CPSF1: variants seen among roughly 807,000 people sequenced by gnomAD.
CPSF1 encodes the protein cleavage and polyadenylation specificity factor subunit 1.
Under a neutral mutation model 175.8 loss-of-function variants are expected in CPSF1, and 106 were observed. That is an observed-to-expected ratio of 0.60 (90% confidence interval 0.52 to 0.71). CPSF1 has a LOEUF of 0.71. Ranked by LOEUF, CPSF1 falls within the 30% of genes least tolerant of loss-of-function variation. The pLI is 0.00. For missense variants in CPSF1, 1,734 were observed against 2,022.9 expected (o/e 0.86, Z 2.74); for synonymous variants, 1,024 against 858.3 (o/e 1.19, Z -3.37).
chr8:144,408,885 G>T, intron 2 of CPSF1, 130 bp downstream of exon 2: 1 of 1,095,440 alleles, frequency 9.1e-7, no homozygotes, highest in Non-Finnish European at 1.3e-6. Flanking sequence ...TCATGTCCTG[G>T]CTCCTCAGGC....
At position 144,400,198 on chromosome 8, in the gene CPSF1, C is replaced by T. The variant is rs1000079849; in HGVS notation, c.905G>A (p.Ser302Asn). Residue 302 changes from serine to asparagine, a missense_variant, in exon 9 of 38, where the codon AGC becomes AAC. Ser to Asn is a conservative substitution (Grantham distance 46, BLOSUM62 1). Coordinates refer to ENST00000616140, the MANE Select transcript of CPSF1 (RefSeq NM_013291.3). ...GAAAGCCGTGGTTCCTGTGGTGAGG[C>T]TGTTGAGAGCCACGCCATACGGGGG... ...SVPPYGVALNSLTTGTTAFPL... is the reference protein window; with the variant it reads ...SVPPYGVALNNLTTGTTAFPL... The T allele has an allele frequency of 7.4e-7, 1 of 1,342,896 alleles. No homozygotes were observed. The highest frequency in any genetic ancestry group is 9.8e-7 in the Non-Finnish European group (1 of 1,019,742). 83.2% of individuals were successfully genotyped at this position (1,342,896 alleles called of 1,614,324 possible).
intron 19 of CPSF1, 35 bp from the exon 20 acceptor site, chr8:144,398,167 A>AGGGCCCAGCCACCTCCCCG: frequency 1.7e-6 from 1 of 590,450 alleles, no homozygotes; most frequent in Non-Finnish European, 2.3e-6. Flanking sequence ...GCGCCTCCCC[A>AGGGCCCAGCCACCTCCCCG]CCACCGTCCC....
At chr8:144,396,151 CTCCCAACCACCCCTT>C in intron 26 of CPSF1, 182 bp downstream of exon 26, 2 of 623,656 alleles carry the variant, frequency 3.2e-6, no homozygotes, top group Non-Finnish European at 5.5e-6. Flanking sequence ...GCAGCCCCAG[CTCCCAACCACCCCTT>C]TCCAGACCTT....
rs1554863118 is a variant in CPSF1, at chr8:144,394,972, C to A, written c.3324G>T (p.Leu1108=). The change falls in exon 30 of 38, where the codon CTG becomes CTT. Residue 1108 remains leucine, a synonymous_variant. Transcript: ENST00000616140. The part of the protein sequence containing the change: ...EHVTCMKTVS[L]RSEETVSGLK... Reference sequence around the variant, plus strand: ...GGCCCGACACGGTCTCCTCACTGCGCAGAGACACTGTCTTCATGCAGGTCA... The same window carrying A: ...GGCCCGACACGGTCTCCTCACTGCGAAGAGACACTGTCTTCATGCAGGTCA... 1 of 1,612,980 alleles carries A rather than the reference C, an allele frequency of 6.2e-7. No individual in the cohort carries two copies. Among genetic ancestry groups the A allele is most frequent in the East Asian group, 2.2e-5 (1 of 44,886 alleles).
intron 5 of CPSF1, 52 bp downstream of exon 5, chr8:144,401,159 G>A (rs1200330733): frequency 5.1e-6 from 8 of 1,563,248 alleles, no homozygotes; most frequent in Middle Eastern, 1.9e-4. Context: ...AGCTGCAGGG[G>A]GAGGGAGGGT....
At chr8:144,407,999 C>A (rs1238282268) in intron 2 of CPSF1, among the ~76,000 whole-genome samples, 2 of 152,170 alleles carry the variant, frequency 1.3e-5, no homozygotes, top group Non-Finnish European at 2.9e-5. Flanking sequence ...GAAACTCCAG[C>A]CCTCGTCAAG....
rs2116868602 is a variant in CPSF1, at chr8:144,399,971, A to G, written c.1031+21T>C. 10 of 1,261,438 alleles carry G rather than the reference A, an allele frequency of 7.9e-6. No individual in the cohort carries two copies. In the South Asian group the frequency reaches 8.3e-5, roughly 11 times the overall value. The allele number at this position is 1,261,438 out of a possible 1,614,324, so 78.1% of individuals were successfully genotyped here. A position where few individuals can be genotyped will look rare whatever the true frequency, so the allele number is the denominator to read the frequency against. On this transcript the variant is annotated intron_variant, in intron 10 of 37. Coordinates refer to ENST00000616140, the MANE Select transcript of CPSF1 (RefSeq NM_013291.3). This position sits in a 1 kb window ranked among gnomAD's most constrained non-coding sequence, Gnocchi z 6.4. ...GTGGGGGGCGGTGTGGGCAGAGTTCATGGGCGGGGGAGGGGCTCACATCTC... is the reference window on the plus strand; with the variant it reads ...GTGGGGGGCGGTGTGGGCAGAGTTCGTGGGCGGGGGAGGGGCTCACATCTC...
chr8:144,400,135 G>GGGCGCCCCCCCCCCCCCCC, intron 9 of CPSF1, 31 bp downstream of exon 9: 1 of 896,012 alleles, frequency 1.1e-6, no homozygotes, highest in Non-Finnish European at 1.6e-6. Flanking sequence ...CCGTCCCCGG[G>GGGCGCCCCCCCCCCCCCCC]CCCCCCCCGC....
Position 144,400,490 on chromosome 8 carries a change from G to A in CPSF1, c.690C>T (p.Arg230=), listed in dbSNP as rs2116875481. The A allele has an allele frequency of 1.1e-5, 17 of 1,612,450 alleles. 1 individual carries two copies. In the South Asian group the frequency reaches 1.6e-4, roughly 16 times the overall value. The part of the protein sequence containing the change: ...LFEPNQTWPG[R]VAVRQDTCSI... ...AGCACGTGTCCTGCCGCACGGCCAC[G>A]CGCCTGGGGACGCCAGTGGGTCAGC... Residue 230 remains arginine, a synonymous_variant, in exon 8 of 38, where the codon CGC becomes CGT. Coordinates refer to ENST00000616140, the MANE Select transcript of CPSF1 (RefSeq NM_013291.3).
At chr8:144,400,135 G>GGGGGGCGCCCCCCC in intron 9 of CPSF1, 31 bp downstream of exon 9, 1 of 896,010 alleles carries the variant, frequency 1.1e-6, no homozygotes, top group Non-Finnish European at 1.6e-6. Context: ...CCGTCCCCGG[G>GGGGGGCGCCCCCCC]CCCCCCCCGC....
At chr8:144,400,106 C>A (rs1554865971) in intron 9 of CPSF1, 21 bp from the exon 10 acceptor site, 4 of 1,598,580 alleles carry the variant, frequency 2.5e-6, no homozygotes, top group Admixed American at 1.7e-5. Context: ...GGTGGTCAGG[C>A]CGACTAGGCA....
At position 144,399,604 on chromosome 8, in the gene CPSF1, C is replaced by T. The variant is rs2116864503; in HGVS notation, c.1226G>A (p.Arg409His). The T allele has an allele frequency of 1.1e-5, 17 of 1,610,574 alleles. No individual in the cohort carries two copies. The highest frequency in any genetic ancestry group is 6.7e-5 in the East Asian group (3 of 44,810). Residue 409 changes from arginine (R) to histidine (H), a missense_variant, in exon 12 of 38, where the codon CGT (arginine) becomes CAT (histidine). Coordinates refer to ENST00000616140, the MANE Select transcript of CPSF1 (RefSeq NM_013291.3). The surrounding 1 kb of genome is among the most constrained non-coding windows in gnomAD (Gnocchi z 6.4). ...KLQEPPASAVREAADKEEPPS... is the reference protein window; with the variant it reads ...KLQEPPASAVHEAADKEEPPS... ...GAAACCCACCTTGTCGGCAGCCTCA[C>T]GGACAGCACTGGCCGGGGGCTCCTG... is the stretch of plus-strand genomic sequence containing the variant.
In CPSF1 at chr8:144,400,140, C is replaced by CG. The variant is rs1554866066; in HGVS notation, c.937+25_937+26insC. 7 of 1,242,082 alleles carry CG rather than the reference C, an allele frequency of 5.6e-6. 1 individual carries two copies. The African/African-American group carries it at 1.1e-4, about 20-fold the overall frequency. 76.9% of individuals were successfully genotyped at this position (1,242,082 alleles called of 1,614,324 possible). ...CAGGCCCAAGCCGTCCCCGGGCCCC[C>CG]CCCGCCCCAGCCACCCCACACTCAC... On this transcript the variant is annotated intron_variant, in intron 9 of 37. Transcript: ENST00000616140.
At position 144,395,416 on chromosome 8, in the gene CPSF1, G is replaced by A. The variant is rs782097102; in HGVS notation, c.3096+19C>T. On this transcript the variant is annotated intron_variant, in intron 27 of 37. Coordinates refer to ENST00000616140, the MANE Select transcript of CPSF1 (RefSeq NM_013291.3). ...GCCAGGCCCAGAAGGTCCCTGGTGG[G>A]GTGGGGGTGGGGGCAGACCTTAGAC... 22 of 1,612,534 alleles carry A rather than the reference G, an allele frequency of 1.4e-5. No individual in the cohort carries two copies. The Admixed American group carries it at 3.7e-4, about 27-fold the overall frequency.
chr8:144,398,595 G>A lies in CPSF1; in HGVS notation c.1682C>T (p.Thr561Ile), dbSNP rs2116852762. The stretch of plus-strand genomic sequence containing the variant: ...GCCGTCGTCGTCTGCTTCAGGGGTG[G>A]TGCTGGGTTCCTGCTCTGTGCCCTC... The part of the protein sequence containing the change: ...KGEGTEQEPS[T>I]TPEADDDGRR... Residue 561 changes from threonine to isoleucine, a missense_variant, in exon 18 of 38, where the codon ACC (threonine) becomes ATC (isoleucine). Physicochemically the swap from Thr to Ile is moderately conservative, Grantham distance 89 (BLOSUM62 -1). Transcript: ENST00000616140. 2.1e-4 allele frequency: 339 copies of A among 1,613,940 alleles called. No homozygotes were observed. The highest frequency in any genetic ancestry group is 2.6e-4 in the Non-Finnish European group (306 of 1,179,986).
chr8:144,399,085 C>T lies in CPSF1; in HGVS notation c.1467+43G>A, dbSNP rs1820990832. On this transcript the variant is annotated intron_variant, in intron 15 of 37. Coordinates refer to ENST00000616140, the MANE Select transcript of CPSF1 (RefSeq NM_013291.3). The surrounding 1 kb of genome is among the most constrained non-coding windows in gnomAD (Gnocchi z 6.4). ...GGACTATGCCCCCCACCCCCCCTCA[C>T]ACTCCAGCCCCTGCCCCCAGCCCCG... is the stretch of plus-strand genomic sequence containing the variant. 6.5e-7 allele frequency: 1 copy of T among 1,544,500 alleles called. No individual in the cohort carries two copies. The highest frequency in any genetic ancestry group is 8.7e-7 in the Non-Finnish European group (1 of 1,143,326).
intron 5 of CPSF1, 37 bp from the exon 6 acceptor site, chr8:144,401,112 G>A (rs1821178963): frequency 6.2e-7 from 1 of 1,605,682 alleles, no homozygotes; most frequent in South Asian, 1.1e-5. Context: ...GCCCAGCATA[G>A]GAGACCCCGA....
At position 144,400,835 on chromosome 8, in the gene CPSF1, TCAG is replaced by T; in HGVS notation, c.540-21_540-19del. 1 of 1,612,788 alleles carries T rather than the reference TCAG, an allele frequency of 6.2e-7. No individual in the cohort carries two copies. Among genetic ancestry groups the T allele is most frequent in the Non-Finnish European group, 8.5e-7 (1 of 1,179,788 alleles). The stretch of plus-strand genomic sequence containing the variant: ...ACCTCTGCCTGGGGGGCCAGGGGCT[TCAG>T]CAGGAGAGGAGGGGAGGCGGGGAGG... On this transcript the variant is annotated intron_variant, in intron 6 of 37. Transcript: ENST00000616140.
Position 144,396,498 on chromosome 8 carries a change from G to T in CPSF1, c.2829C>A (p.Val943=). The change falls in exon 26 of 38, where the codon GTC becomes GTA. Residue 943 remains valine, a splice_region_variant and synonymous_variant. Transcript: ENST00000616140. ...AGTGAGGGGAGGGGCCGCAGATGAA[G>T]ACCTGGGGGCAGGCACCGTGAGGAT... is the stretch of plus-strand genomic sequence containing the variant. ...YFEDIYGYSG[V]FICGPSPHWL... The T allele has an allele frequency of 6.2e-7, 1 of 1,611,488 alleles. No individual in the cohort carries two copies.
Sources: gnomAD v4.1 joint callset for allele counts (sites outside exome capture counted in the v4.1 genomes callset) on GRCh38, gnomAD v4.1.1 for gene constraint, Gnocchi (gnomAD v3.1) non-coding constraint, MANE v1.5 for transcripts, NCBI Gene and HGNC (gene_info 2026-07-23, HGNC 2026-07-21) for gene names.